RANBP17: variants seen among roughly 807,000 people sequenced by gnomAD.
RANBP17 encodes the protein RAN binding protein 17.
Under a neutral mutation model 141.2 loss-of-function variants are expected in RANBP17, and 158 were observed. The observed-to-expected ratio is 1.12, with a 90% confidence interval of 0.98 to 1.28. The LOEUF is 1.28. Among genes scored for constraint, RANBP17 ranks in the 50% most tolerant of loss-of-function variants. RANBP17 has a pLI of 0.00. For synonymous variants in RANBP17, 430 were observed against 450.0 expected (o/e 0.96, Z 0.56); for missense variants, 1,438 against 1,290.7 (o/e 1.11, Z -1.75).
intron 1 of RANBP17, among the ~76,000 whole-genome samples, chr5:170,862,554 G>C (rs1766892107): frequency 6.6e-6 from 1 of 152,188 alleles, no homozygotes; most frequent in Non-Finnish European, 1.5e-5. Flanking sequence ...CCGAAGGAGC[G>C]GCGGCAGCGG....
intron 14 of RANBP17, among the ~76,000 whole-genome samples, chr5:171,107,850 C>T (rs927547302): frequency 2.6e-5 from 4 of 152,288 alleles, no homozygotes; most frequent in Non-Finnish European, 5.9e-5. Flanking sequence ...AAGGTTAATG[C>T]GTGCTTGCTG....
At chr5:171,112,308 TA>T (rs761026042) in intron 14 of RANBP17, among the ~76,000 whole-genome samples, 1 of 152,144 alleles carries the variant, frequency 6.6e-6, no homozygotes, top group Non-Finnish European at 1.5e-5. Context: ...GCACTATCTG[TA>T]AAATTTTTTT....
Position 171,170,192 on chromosome 5 carries a change from C to T in RANBP17, c.1773C>T (p.Phe591=). The change falls in exon 15 of 28, where the codon TTC becomes TTT. Residue 591 remains phenylalanine, a synonymous_variant. Transcript: ENST00000523189. The part of the protein sequence containing the change: ...ITDDNHVLET[F]MTKIVTNLKY... Reference sequence around the variant, plus strand: ...ATGACAACCACGTTCTAGAGACGTTCATGACAAAAATGTGAGTTCTTGTTT... The same window carrying T: ...ATGACAACCACGTTCTAGAGACGTTTATGACAAAAATGTGAGTTCTTGTTT... 6.4e-7 allele frequency: 1 copy of T among 1,560,692 alleles called. No homozygotes were observed. Among genetic ancestry groups the T allele is most frequent in the Non-Finnish European group, 8.7e-7 (1 of 1,149,194 alleles).
intron 16 of RANBP17, among the ~76,000 whole-genome samples, chr5:171,179,159 T>C (rs1289202678): frequency 1.7e-4 from 25 of 151,084 alleles, no homozygotes. Context: ...GTTTTAGGTC[T>C]TATGTTTAAG....
chr5:171,159,326 A>G lies in RANBP17; in HGVS notation c.1711-10804A>G, dbSNP rs73801173. 6.2e-3 allele frequency among the ~76,000 whole-genome samples: 941 copies of G among 152,260 alleles called. 11 individuals are homozygous for G. Among genetic ancestry groups the G allele is most frequent in the African/African-American group, 0.021 (891 of 41,544 alleles). ...GTTTCATCTCCATACTAGCTGTTTT[A>G]CTTCCCAAGGAAAAGACTCATTTCT... On this transcript the variant is annotated intron_variant, in intron 14 of 27. Transcript: ENST00000523189.
chr5:171,094,676 C>T (rs1321404387), intron 14 of RANBP17, among the ~76,000 whole-genome samples: 1 of 152,150 alleles, frequency 6.6e-6, no homozygotes, highest in East Asian at 1.9e-4. Flanking sequence ...TTCAGAAGTA[C>T]GTTCTCTTCG....
chr5:171,009,955 A>G (rs567233350), intron 14 of RANBP17, among the ~76,000 whole-genome samples: 4 of 152,122 alleles, frequency 2.6e-5, no homozygotes, highest in Admixed American at 6.6e-5. Context: ...TAAATGCACA[A>G]GTTTATGCAG....
intron 25 of RANBP17, among the ~76,000 whole-genome samples, chr5:171,284,182 G>A (rs1244433144): frequency 6.6e-6 from 1 of 152,080 alleles, no homozygotes; most frequent in Non-Finnish European, 1.5e-5. Flanking sequence ...GCTGCTTAGG[G>A]TTCCATTCAT....
At chr5:171,109,749 CCCCATATTTT>C (rs1755087595) in intron 14 of RANBP17, among the ~76,000 whole-genome samples, 1 of 152,116 alleles carries the variant, frequency 6.6e-6, no homozygotes, top group East Asian at 1.9e-4. Context: ...ATCCATTTTT[CCCCATATTTT>C]CAATCTGCGA....
chr5:171,024,189 TAGAG>T (rs1325543294), intron 14 of RANBP17, among the ~76,000 whole-genome samples: 2 of 152,080 alleles, frequency 1.3e-5, no homozygotes, highest in East Asian at 3.8e-4. Context: ...TTTAAGATAA[TAGAG>T]AATCTGTGAA....
chr5:171,008,013 G>A (rs1779774210), intron 14 of RANBP17, among the ~76,000 whole-genome samples: 1 of 152,060 alleles, frequency 6.6e-6, no homozygotes, highest in Non-Finnish European at 1.5e-5. Flanking sequence ...AGGGAATATG[G>A]GTAAATGACC....
At chr5:170,964,961 A>C (rs1776435815) in intron 13 of RANBP17, among the ~76,000 whole-genome samples, 1 of 152,136 alleles carries the variant, frequency 6.6e-6, no homozygotes, top group African/African-American at 2.4e-5. Context: ...TAGATCCCTG[A>C]GGAATCGCCA....
intron 5 of RANBP17, among the ~76,000 whole-genome samples, chr5:170,902,994 CGG>C (rs1355972534): frequency 2.0e-5 from 3 of 152,060 alleles, no homozygotes; most frequent in African/African-American, 7.2e-5. Context: ...TCAGGAGGCA[CGG>C]AGATCTGTGC....
chr5:171,020,526 T>G (rs2127601539), intron 14 of RANBP17, among the ~76,000 whole-genome samples: 1 of 152,304 alleles, frequency 6.6e-6, no homozygotes, highest in Admixed American at 6.5e-5. Context: ...CGTAATGCCC[T>G]TCCTTGTCTC....
intron 14 of RANBP17, among the ~76,000 whole-genome samples, chr5:171,009,321 G>A (rs891933116): frequency 2.0e-5 from 3 of 152,150 alleles, no homozygotes; most frequent in Admixed American, 6.5e-5. Flanking sequence ...AACAAGATTG[G>A]TGTTCTCTAA....
chr5:171,152,416 C>CAA (rs768140674), intron 14 of RANBP17, among the ~76,000 whole-genome samples: 4 of 118,422 alleles, frequency 3.4e-5, no homozygotes, highest in Admixed American at 1.8e-4. Context: ...GACTCTATCT[C>CAA]AAAAAAAAAA....
chr5:170,878,876 C>T (rs1768415718), intron 2 of RANBP17, among the ~76,000 whole-genome samples: 1 of 152,078 alleles, frequency 6.6e-6, no homozygotes, highest in Admixed American at 6.5e-5. Context: ...ATATTGTAGA[C>T]TTTCTGGGCC....
chr5:171,082,648 C>G (rs367886175), intron 14 of RANBP17, among the ~76,000 whole-genome samples: 155 of 152,232 alleles, frequency 1.0e-3, no homozygotes, highest in African/African-American at 3.7e-3. Context: ...GTCACATAAC[C>G]TTTTAAGGCC....
chr5:170,977,582 A>G (rs868659980), intron 14 of RANBP17, among the ~76,000 whole-genome samples: 10 of 152,208 alleles, frequency 6.6e-5, no homozygotes, highest in Admixed American at 3.3e-4. Context: ...CACAAAGTGG[A>G]AAAAAATTTG....
Sources: gnomAD v4.1 joint callset for allele counts (sites outside exome capture counted in the v4.1 genomes callset) on GRCh38, gnomAD v4.1.1 for gene constraint, MANE v1.5 for transcripts, NCBI Gene and HGNC (gene_info 2026-07-23, HGNC 2026-07-21) for gene names.